Variants in GRAP2 observed in about 807,000 individuals in gnomAD.
GRAP2 encodes GRB2 related adaptor protein 2, also known as GRB2-related adapter protein 2.
Under a neutral mutation model 43.5 loss-of-function variants are expected in GRAP2, and 31 were observed. The ratio of observed to expected loss-of-function variants is 0.71; its 90% confidence interval spans 0.54 to 0.96. The LOEUF (loss-of-function observed/expected upper bound fraction) is 0.96. GRAP2 is among the 40% of genes least tolerant of loss of function. The probability of loss-of-function intolerance (pLI) is 0.00; values close to 1 mark genes in which losing one functional copy is unlikely to be tolerated. For missense variants in GRAP2, 371 were observed against 424.4 expected, an observed-to-expected ratio of 0.87 and a Z score of 1.11; for synonymous variants, 156 against 164.8, an observed-to-expected ratio of 0.95 and a Z score of 0.41.
upstream of GRAP2, among the ~76,000 whole-genome samples, chr22:39,897,358 T>G (rs2145558906): frequency 6.6e-6 from 1 of 152,234 alleles, no homozygotes; most frequent in Non-Finnish European, 1.5e-5. Flanking sequence ...AATAAATGAT[T>G]TATTGATGCT....
chr22:39,916,427 G>C (rs1304129449), intron 1 of GRAP2, among the ~76,000 whole-genome samples: 1 of 152,042 alleles, frequency 6.6e-6, no homozygotes, highest in Non-Finnish European at 1.5e-5. Flanking sequence ...AATGGAACAG[G>C]GTCTATTAGA....
chr22:39,912,071 T>G (rs903656612), intron 1 of GRAP2, among the ~76,000 whole-genome samples: 2 of 152,208 alleles, frequency 1.3e-5, no homozygotes, highest in African/African-American at 2.4e-5. Context: ...TGTTACCAGA[T>G]TCAAATGTTC....
chr22:39,920,367 A>T (rs1205161433), intron 1 of GRAP2, among the ~76,000 whole-genome samples: 1 of 152,158 alleles, frequency 6.6e-6, no homozygotes, highest in African/African-American at 2.4e-5. Context: ...CTGATAACAC[A>T]TCTAAATTCA....
chr22:39,945,810 G>A (rs2066916086), intron 1 of GRAP2, among the ~76,000 whole-genome samples: 2 of 152,086 alleles, frequency 1.3e-5, no homozygotes, highest in Non-Finnish European at 1.5e-5. Context: ...ATTTTAAAAC[G>A]TAAATACTAT....
At chr22:39,908,687 A>G (rs1296458959) in intron 1 of GRAP2, among the ~76,000 whole-genome samples, 3 of 151,874 alleles carry the variant, frequency 2.0e-5, no homozygotes, top group Non-Finnish European at 4.4e-5. Context: ...GGACATCACC[A>G]CTCTCCCTTG....
intron 1 of GRAP2, among the ~76,000 whole-genome samples, chr22:39,903,227 C>A (rs547136802): frequency 1.3e-5 from 2 of 152,192 alleles, no homozygotes; most frequent in East Asian, 1.9e-4. Context: ...CATTTTTGTG[C>A]CCCTATCAAA....
intron 3 of GRAP2, among the ~76,000 whole-genome samples, chr22:39,958,255 C>A (rs1051835437): frequency 6.6e-6 from 1 of 152,140 alleles, no homozygotes; most frequent in African/African-American, 2.4e-5. Context: ...ACTCCCCAGT[C>A]CCCTATAGGT....
chr22:39,898,367 A>G (rs1182148793), upstream of GRAP2, among the ~76,000 whole-genome samples: 6 of 152,230 alleles, frequency 3.9e-5, no homozygotes, highest in Non-Finnish European at 8.8e-5. Context: ...TTGTTCACTG[A>G]TAGTTTTCCA....
In GRAP2 at chr22:39,966,027, GACA is replaced by G. The variant is rs1422171077; in HGVS notation, c.333_335del (p.Asn111del). The G allele has an allele frequency of 5.0e-6, 8 of 1,614,000 alleles. No individual in the cohort carries two copies. The East Asian group carries it at 1.8e-4, about 36-fold the overall frequency. On this transcript the variant is annotated inframe_deletion, in exon 5 of 8. Transcript: ENST00000344138. ...CGTTCAACACTTCAAGGTCATGCGA[GACA>G]ACAAGGGTAATTACTTTCTGTGGAC...
intron 4 of GRAP2, chr22:39,964,079 A>T (rs1399045637): frequency 3.2e-6 from 1 of 312,380 alleles, no homozygotes; most frequent in Admixed American, 4.7e-5. Context: ...AAAATTCTTG[A>T]CCTTTCTTTT....
At chr22:39,938,162 A>G (rs907796109) in intron 1 of GRAP2, among the ~76,000 whole-genome samples, 2 of 152,104 alleles carry the variant, frequency 1.3e-5, no homozygotes, top group African/African-American at 4.8e-5. Flanking sequence ...TTCCTTCTCT[A>G]CTTCCCTCCC....
intron 1 of GRAP2, among the ~76,000 whole-genome samples, chr22:39,903,935 G>T (rs1164434037): frequency 5.3e-5 from 8 of 152,164 alleles, no homozygotes; most frequent in Admixed American, 4.6e-4. Flanking sequence ...ATAAACTTGA[G>T]TCAGTAGGAA....
Position 39,901,263 on chromosome 22 carries a change from G to A in GRAP2, c.-82G>A. ...GATGCTTGAATTTGTCTCCCTTCTTGCCAGAAAGGATTCTAATAACTCGGT... is the reference window on the plus strand; with the variant it reads ...GATGCTTGAATTTGTCTCCCTTCTTACCAGAAAGGATTCTAATAACTCGGT... On this transcript the variant is annotated 5_prime_UTR_variant, in exon 1 of 8. Transcript: ENST00000344138. 1 of 1,280,170 alleles carries A rather than the reference G, an allele frequency of 7.8e-7. No individual in the cohort carries two copies. The highest frequency in any genetic ancestry group is 1.0e-6 in the Non-Finnish European group (1 of 980,558). The allele number at this position is 1,280,170 out of a possible 1,614,324, so 79.3% of individuals were successfully genotyped here.
At chr22:39,970,332 C>A (rs1311560484) in intron 7 of GRAP2, among the ~76,000 whole-genome samples, 1 of 152,176 alleles carries the variant, frequency 6.6e-6, no homozygotes, top group African/African-American at 2.4e-5. Flanking sequence ...CCTCCTACCT[C>A]AGCCTCCCAC....
At chr22:39,955,668 G>C (rs749931172) in intron 2 of GRAP2, 151 bp from the exon 3 acceptor site, 8 of 531,158 alleles carry the variant, frequency 1.5e-5, no homozygotes, top group Middle Eastern at 3.6e-4. Context: ...ACAGGCCTGG[G>C]GTAAATCCTA....
At chr22:39,919,914 G>A (rs775406161) in intron 1 of GRAP2, among the ~76,000 whole-genome samples, 22 of 152,214 alleles carry the variant, frequency 1.4e-4, no homozygotes, top group Admixed American at 5.9e-4. Context: ...GGGGATAAGT[G>A]CCATTGTTGT....
At chr22:39,946,972 C>A in intron 1 of GRAP2, 121 bp from the exon 2 acceptor site, 1 of 684,702 alleles carries the variant, frequency 1.5e-6, no homozygotes, top group Non-Finnish European at 2.7e-6. Context: ...GCCTTGCTCT[C>A]CGGCCTGGAG....
the GRAP2 span, chr22:39,893,979 T>G: frequency 6.6e-6 from 1 of 151,816 alleles, no homozygotes; most frequent in African/African-American, 2.4e-5. Flanking sequence ...TTTTGAGATC[T>G]GGGAAATAGT....
chr22:39,943,149 C>T (rs1380794142), intron 1 of GRAP2, among the ~76,000 whole-genome samples: 1 of 152,168 alleles, frequency 6.6e-6, no homozygotes, highest in Non-Finnish European at 1.5e-5. Flanking sequence ...TGCCGGGTGC[C>T]ATTTTGATGG....
Sources: allele counts gnomAD v4.1 joint callset (sites outside exome capture counted in the v4.1 genomes callset), GRCh38; gene constraint gnomAD v4.1.1; transcripts MANE v1.5; gene names NCBI Gene and HGNC (gene_info 2026-07-23, HGNC 2026-07-21).